PTPRD: variants seen among roughly 807,000 people sequenced by gnomAD.
PTPRD encodes protein tyrosine phosphatase receptor type D, also known as receptor-type tyrosine-protein phosphatase delta.
A neutral mutation model predicts 214.5 loss-of-function variants in PTPRD; 34 were observed. The observed-to-expected ratio is 0.16, with a 90% confidence interval of 0.12 to 0.21. The LOEUF is 0.21. Ranked by LOEUF, PTPRD falls within the 10% of genes least tolerant of loss-of-function variation. The pLI, the probability that PTPRD is intolerant of heterozygous loss-of-function variation, is 1.00. For missense variants in PTPRD, 2,545 were observed against 2,398.7 expected, an observed-to-expected ratio of 1.06 and a Z score of -1.27; for synonymous variants, 1,128 against 845.7, an observed-to-expected ratio of 1.33 and a Z score of -5.79.
intron 2 of PTPRD, among the ~76,000 whole-genome samples, chr9:10,533,535 T>G (rs2056998249): frequency 1.2e-5 from 1 of 86,580 alleles, no homozygotes; most frequent in African/African-American, 3.1e-5. Flanking sequence ...TTTTTGGTGT[T>G]TTTTTTTCAG....
intron 14 of PTPRD, among the ~76,000 whole-genome samples, chr9:8,541,161 T>C (rs1454208254): frequency 6.6e-6 from 1 of 152,138 alleles, no homozygotes; most frequent in Non-Finnish European, 1.5e-5. Flanking sequence ...TAAATGCAAA[T>C]AGTTTTCTAT....
At chr9:8,774,491 T>C (rs1161911444) in intron 11 of PTPRD, among the ~76,000 whole-genome samples, 1 of 150,858 alleles carries the variant, frequency 6.6e-6, no homozygotes, top group East Asian at 1.9e-4. Flanking sequence ...TGCAACAATG[T>C]TACACACGCA....
At chr9:9,471,892 T>G (rs2094613344) in intron 8 of PTPRD, among the ~76,000 whole-genome samples, 1 of 152,160 alleles carries the variant, frequency 6.6e-6, no homozygotes, top group Admixed American at 6.5e-5. Context: ...GATAAGTATA[T>G]CTTGAGGATT....
chr9:8,848,313 C>CTTTTTTTTTTTTTTTTT (rs371491854), intron 11 of PTPRD, among the ~76,000 whole-genome samples: 9 of 132,680 alleles, frequency 6.8e-5, no homozygotes, highest in African/African-American at 1.1e-4. Flanking sequence ...AAGATTTTTC[C>CTTTTTTTTTTTTTTTTT]TTTTTTTTTT....
intron 21 of PTPRD, among the ~76,000 whole-genome samples, chr9:8,511,387 T>C (rs2097678357): frequency 6.6e-6 from 1 of 152,120 alleles, no homozygotes; most frequent in Admixed American, 6.6e-5. Flanking sequence ...CACACAGATA[T>C]TTTATGCTCT....
In PTPRD at chr9:8,547,800, A is replaced by G. The variant is rs539569216; in HGVS notation, c.353-19021T>C. ...CATATATAATTATGTGTGGATATGT[A>G]TGTTTGTACAAAGCACATGTTTACA... On this transcript the variant is annotated intron_variant, in intron 14 of 45. Coordinates refer to ENST00000381196, the MANE Select transcript of PTPRD (RefSeq NM_002839.4). Among the ~76,000 whole-genome samples the G allele has an allele frequency of 3.3e-5, 5 of 152,364 alleles. No homozygotes were observed. The East Asian group carries it at 9.6e-4, about 29-fold the overall frequency.
chr9:9,436,064 C>T (rs573392640), intron 8 of PTPRD, among the ~76,000 whole-genome samples: 8 of 152,278 alleles, frequency 5.3e-5, no homozygotes, highest in African/African-American at 1.9e-4. Context: ...ATCCTTCCAA[C>T]ACCCAACCAT....
chr9:8,343,960 T>A (rs941930425), intron 39 of PTPRD, among the ~76,000 whole-genome samples: 2 of 152,082 alleles, frequency 1.3e-5, no homozygotes, highest in African/African-American at 4.8e-5. Context: ...CGAGGACTCC[T>A]CTGCATAGTG....
At chr9:8,907,060 C>A (rs779166101) in intron 11 of PTPRD, among the ~76,000 whole-genome samples, 21 of 152,076 alleles carry the variant, frequency 1.4e-4, no homozygotes, top group Non-Finnish European at 2.4e-4. Context: ...ATGTATCTAT[C>A]AGCAGATGAC....
At chr9:9,973,011 A>G (rs1300847800) in intron 4 of PTPRD, among the ~76,000 whole-genome samples, 1 of 152,196 alleles carries the variant, frequency 6.6e-6, no homozygotes, top group Non-Finnish European at 1.5e-5. Context: ...CAAGCTAGCC[A>G]AAAGAGAAGG....
intron 22 of PTPRD, among the ~76,000 whole-genome samples, chr9:8,505,272 G>C (rs921123951): frequency 3.5e-4 from 54 of 152,270 alleles, no homozygotes; most frequent in African/African-American, 1.3e-3. Flanking sequence ...GTAATGGTGT[G>C]TGTAATCTTA....
At chr9:9,752,845 A>G (rs187907903) in intron 6 of PTPRD, among the ~76,000 whole-genome samples, 1 of 152,126 alleles carries the variant, frequency 6.6e-6, no homozygotes, top group Admixed American at 6.5e-5. Flanking sequence ...GGTATTTGGA[A>G]ATGCTGCTAC....
At chr9:9,936,940 T>C (rs867605273) in intron 5 of PTPRD, among the ~76,000 whole-genome samples, 6 of 149,126 alleles carry the variant, frequency 4.0e-5, no homozygotes, top group East Asian at 4.0e-4. Flanking sequence ...ATGGATGTAA[T>C]TGGAAATCAT....
intron 2 of PTPRD, among the ~76,000 whole-genome samples, chr9:10,418,648 A>C (rs2098517636): frequency 6.6e-6 from 1 of 151,876 alleles, no homozygotes; most frequent in African/African-American, 2.4e-5. Context: ...CAATATAATA[A>C]CAGGAACATT....
chr9:9,285,936 T>A (rs1949213052), intron 9 of PTPRD, among the ~76,000 whole-genome samples: 1 of 151,794 alleles, frequency 6.6e-6, no homozygotes, highest in African/African-American at 2.4e-5. Flanking sequence ...CACAAGTACA[T>A]TTTAAATTTC....
In PTPRD at chr9:9,278,823, T is replaced by C. The variant is rs1001323090; in HGVS notation, c.-202-95460A>G. ...TGGGATATAGTAGGTATATCTAATATTGTGTTTTTTCCTCTCTCTCACTAT... is the reference window on the plus strand; with the variant it reads ...TGGGATATAGTAGGTATATCTAATACTGTGTTTTTTCCTCTCTCTCACTAT... On this transcript the variant is annotated intron_variant, in intron 9 of 45. Coordinates refer to ENST00000381196, the MANE Select transcript of PTPRD (RefSeq NM_002839.4). 2.0e-5 allele frequency among the ~76,000 whole-genome samples: 3 copies of C among 151,318 alleles called. No homozygotes were observed. The Admixed American group carries it at 2.0e-4, about 10-fold the overall frequency.
intron 5 of PTPRD, among the ~76,000 whole-genome samples, chr9:9,838,115 C>A (rs913338805): frequency 2.0e-5 from 3 of 152,084 alleles, no homozygotes; most frequent in Non-Finnish European, 4.4e-5. Flanking sequence ...TTTTTATGGC[C>A]GCCTAGTATT....
At chr9:9,834,988 T>C (rs940708746) in intron 5 of PTPRD, among the ~76,000 whole-genome samples, 3 of 151,982 alleles carry the variant, frequency 2.0e-5, no homozygotes, top group Non-Finnish European at 4.4e-5. Context: ...TTTTATCTGG[T>C]AGCAAGAGAG....
At chr9:10,082,744 G>C (rs898141440) in intron 3 of PTPRD, among the ~76,000 whole-genome samples, 2 of 151,022 alleles carry the variant, frequency 1.3e-5, no homozygotes, top group African/African-American at 2.4e-5. Context: ...TGATGAGAGA[G>C]AGAGTATTTT....
Sources: allele counts gnomAD v4.1 joint callset (sites outside exome capture counted in the v4.1 genomes callset), GRCh38; gene constraint gnomAD v4.1.1; transcripts MANE v1.5; gene names NCBI Gene and HGNC (gene_info 2026-07-23, HGNC 2026-07-21).